Variants in KCNJ10 observed in about 807,000 individuals in gnomAD.
KCNJ10 encodes the protein ATP-sensitive inward rectifier potassium channel 10.
Under a neutral mutation model 22.2 loss-of-function variants are expected in KCNJ10, and 9 were observed. The observed-to-expected ratio is 0.40, with a 90% CI of 0.24 to 0.71. The LOEUF is 0.71. Among genes scored for constraint, KCNJ10 ranks in the 30% least tolerant of loss-of-function variants. The pLI is 0.35. For synonymous variants in KCNJ10, 184 were observed against 187.3 expected (o/e 0.98, Z 0.15); for missense variants, 337 against 482.7 (o/e 0.70, Z 2.83).
chr1:160,067,001 T>G (rs1649335273), intron 1 of KCNJ10, among the ~76,000 whole-genome samples: 1 of 152,206 alleles, frequency 6.6e-6, no homozygotes, highest in African/African-American at 2.4e-5. Context: ...TCCCCAGGTG[T>G]TGTGCCATCG....
intron 1 of KCNJ10, among the ~76,000 whole-genome samples, chr1:160,044,286 C>T (rs1214410480): frequency 6.6e-6 from 1 of 152,130 alleles, no homozygotes; most frequent in African/African-American, 2.4e-5. Context: ...TGCTTTGGAA[C>T]AAAAAGGAAG....
intron 1 of KCNJ10, among the ~76,000 whole-genome samples, chr1:160,049,675 T>TTATTTATATATATATATATA (rs1283511580): frequency 2.1e-5 from 1 of 47,094 alleles, no homozygotes; most frequent in Non-Finnish European, 4.1e-5. Context: ...TTTTATTTAT[T>TTATTTATATATATATATATA]TATATATATA....
intron 1 of KCNJ10, among the ~76,000 whole-genome samples, chr1:160,056,144 G>T (rs1649032682): frequency 6.6e-6 from 1 of 152,062 alleles, no homozygotes; most frequent in Non-Finnish European, 1.5e-5. Context: ...CATGGAGGCT[G>T]CCCTAGTTCA....
intron 1 of KCNJ10, among the ~76,000 whole-genome samples, chr1:160,043,902 G>C (rs1648677167): frequency 1.3e-5 from 2 of 152,226 alleles, no homozygotes; most frequent in South Asian, 4.1e-4. Context: ...CCCTGGATCT[G>C]ATAGCCAGAT....
chr1:160,058,243 T>G (rs1199213580), intron 1 of KCNJ10, among the ~76,000 whole-genome samples: 1 of 152,116 alleles, frequency 6.6e-6, no homozygotes, highest in East Asian at 1.9e-4. Flanking sequence ...CCCATTGAAG[T>G]TTCAACGTTT....
chr1:160,049,685 A>ATATATATATATATATATATATT (rs1557970376), intron 1 of KCNJ10, among the ~76,000 whole-genome samples: 4 of 98,864 alleles, frequency 4.0e-5, no homozygotes, highest in African/African-American at 1.5e-4. Context: ...TTATATATAT[A>ATATATATATATATATATATATT]TATATATATA....
chr1:160,047,223 A>G (rs141611045), intron 1 of KCNJ10, among the ~76,000 whole-genome samples: 2 of 152,212 alleles, frequency 1.3e-5, no homozygotes. Context: ...GAGTAAGGAC[A>G]CTGTTGTTCT....
intron 1 of KCNJ10, among the ~76,000 whole-genome samples, chr1:160,069,264 G>T (rs891118855): frequency 6.6e-6 from 1 of 152,158 alleles, no homozygotes; most frequent in Non-Finnish European, 1.5e-5. Context: ...CCTAACACAG[G>T]TGCCCTGGGT....
At chr1:160,044,218 G>A (rs1439614001) in intron 1 of KCNJ10, among the ~76,000 whole-genome samples, 11 of 152,244 alleles carry the variant, frequency 7.2e-5, no homozygotes, top group South Asian at 2.1e-4. Context: ...TGGAACTTCC[G>A]TTCATGCAAG....
In KCNJ10 at chr1:160,039,573, G is replaced by A. The variant is rs932788482; in HGVS notation, c.*1820C>T. 1 of 152,184 alleles carries A rather than the reference G, an allele frequency of 6.6e-6. No individual in the cohort carries two copies. The highest frequency in any genetic ancestry group is 2.4e-5 in the African/African-American group (1 of 41,444). The allele number at this position is 152,184 out of a possible 1,614,324, so 9.4% of individuals were successfully genotyped here. The stretch of plus-strand genomic sequence containing the variant: ...GTTCTTGTTTTTATGCCAACTAGAA[G>A]GTAATGGTGGGGTTTACTGTAGATG... On this transcript the variant is annotated 3_prime_UTR_variant, in exon 2 of 2. Transcript: ENST00000644903.
At chr1:160,043,651 A>AT (rs1463807831) in intron 1 of KCNJ10, among the ~76,000 whole-genome samples, 1 of 152,226 alleles carries the variant, frequency 6.6e-6, no homozygotes, top group South Asian at 2.1e-4. Flanking sequence ...GAAATGCCAG[A>AT]TTGTGGGTGG....
intron 1 of KCNJ10, among the ~76,000 whole-genome samples, chr1:160,056,978 G>A (rs1015949289): frequency 6.6e-6 from 1 of 152,154 alleles, no homozygotes; most frequent in Non-Finnish European, 1.5e-5. Flanking sequence ...GCATGTCTGA[G>A]TCACAAAGGT....
chr1:160,056,600 G>A (rs998642552), intron 1 of KCNJ10, among the ~76,000 whole-genome samples: 1 of 152,118 alleles, frequency 6.6e-6, no homozygotes, highest in Non-Finnish European at 1.5e-5. Flanking sequence ...GGTAGAAATA[G>A]TTACTCTCCC....
chr1:160,043,378 C>T (rs1475164338), intron 1 of KCNJ10, among the ~76,000 whole-genome samples: 1 of 151,882 alleles, frequency 6.6e-6, no homozygotes, highest in Non-Finnish European at 1.5e-5. Context: ...TACTAAGATA[C>T]TCATCTGGTT....
intron 1 of KCNJ10, among the ~76,000 whole-genome samples, chr1:160,066,987 C>T (rs1649334907): frequency 6.6e-6 from 1 of 152,206 alleles, no homozygotes; most frequent in South Asian, 2.1e-4. Flanking sequence ...CAGCCACAAT[C>T]CTTTCCCCAG....
intron 1 of KCNJ10, among the ~76,000 whole-genome samples, chr1:160,060,253 G>A (rs1307946508): frequency 6.6e-6 from 1 of 152,124 alleles, no homozygotes; most frequent in Non-Finnish European, 1.5e-5. Flanking sequence ...ATTCAGAGGT[G>A]AGTGTCTCAC....
At chr1:160,054,918 A>G (rs1220167802) in intron 1 of KCNJ10, among the ~76,000 whole-genome samples, 1 of 151,890 alleles carries the variant, frequency 6.6e-6, no homozygotes, top group Non-Finnish European at 1.5e-5. Context: ...GTGAAAGGGA[A>G]CTCCTGCAAA....
chr1:160,059,441 T>C (rs538646152), intron 1 of KCNJ10, among the ~76,000 whole-genome samples: 6 of 152,184 alleles, frequency 3.9e-5, no homozygotes, highest in Non-Finnish European at 8.8e-5. Context: ...TATCTCTTCC[T>C]ACAAGATCCT....
intron 1 of KCNJ10, among the ~76,000 whole-genome samples, chr1:160,060,840 A>G (rs1186684): frequency 1 from 151,914 of 152,308 alleles, 75,762 homozygotes; most frequent in Middle Eastern, 1. Flanking sequence ...AAAGGCCAGT[A>G]CTAGGCAGCA....
Sources: gnomAD v4.1 joint callset for allele counts (sites outside exome capture counted in the v4.1 genomes callset) on GRCh38, gnomAD v4.1.1 for gene constraint, MANE v1.5 for transcripts, NCBI Gene and HGNC (gene_info 2026-07-23, HGNC 2026-07-21) for gene names.